PHLDA3: variants seen among roughly 807,000 people sequenced by gnomAD.
The protein encoded by PHLDA3 is pleckstrin homology like domain family A member 3, also known as pleckstrin homology-like domain family A member 3.
A neutral mutation model predicts 7.6 loss-of-function variants in PHLDA3; 12 were observed. That is an observed-to-expected ratio of 1.58 (90% CI 1.01 to 2.55). The LOEUF is 2.55. Among genes scored for constraint, PHLDA3 ranks in the 30% most tolerant of loss-of-function variants. The probability of loss-of-function intolerance (pLI) is 0.00; values close to 1 mark genes in which losing one functional copy is unlikely to be tolerated. For synonymous variants in PHLDA3, 104 were observed against 85.1 expected, an observed-to-expected ratio of 1.22 and a Z score of -1.23; for missense variants, 177 against 175.6, an observed-to-expected ratio of 1.01 and a Z score of -0.05.
At position 201,468,384 on chromosome 1, in the gene PHLDA3, A is replaced by C; in HGVS notation, c.*19T>G. Reference sequence around the variant, plus strand: ...TGAGGTGGTGGGTAGCATGAAGGAAAGATGGTGCGCCCGGTGGTTTAGGAC... The same window carrying C: ...TGAGGTGGTGGGTAGCATGAAGGAACGATGGTGCGCCCGGTGGTTTAGGAC... On this transcript the variant is annotated 3_prime_UTR_variant, in exon 1 of 2. Coordinates refer to ENST00000367311, the MANE Select transcript of PHLDA3 (RefSeq NM_012396.5). 1 of 1,613,528 alleles carries C rather than the reference A, an allele frequency of 6.2e-7. No homozygotes were observed. Among genetic ancestry groups the C allele is most frequent in the Non-Finnish European group, 8.5e-7 (1 of 1,179,822 alleles).
At position 201,468,747 on chromosome 1, in the gene PHLDA3, C is replaced by T. The variant is rs1480033554; in HGVS notation, c.40G>A (p.Val14Met). 4 of 1,591,678 alleles carry T rather than the reference C, an allele frequency of 2.5e-6. No homozygotes were observed. The highest frequency in any genetic ancestry group is 3.4e-6 in the Non-Finnish European group (4 of 1,174,804). The change falls in exon 1 of 2, where the codon GTG (valine) becomes ATG (methionine). Residue 14 changes from valine to methionine, a missense_variant. Val to Met is a conservative substitution (Grantham distance 21). Coordinates refer to ENST00000367311, the MANE Select transcript of PHLDA3 (RefSeq NM_012396.5). ...AATATVLKEG[V>M]LEKRSGGLLQ... ...AGCCCGCCGCTGCGCTTCTCCAGCA[C>T]GCCCTCCTTGAGCACGGTAGCCGTC...
In PHLDA3 at chr1:201,468,831, G is replaced by C. The variant is rs1663752971; in HGVS notation, c.-45C>G. ...GAAAGCTCCAGGCTGCGGCGGGCGC[G>C]GCGCCCCTCTCGGCCCCGCAGCGCA... On this transcript the variant is annotated 5_prime_UTR_variant, in exon 1 of 2. Transcript: ENST00000367311. The C allele has an allele frequency of 1.4e-6, 2 of 1,471,920 alleles. No homozygotes were observed. The allele number at this position is 1,471,920 out of a possible 1,614,324, so 91.2% of individuals were successfully genotyped here.
At chr1:201,466,625 ACTCCTACTT>A (rs963555460) in intron 1 of PHLDA3, 5 of 152,066 alleles carry the variant, frequency 3.3e-5, no homozygotes, top group Non-Finnish European at 5.9e-5. Context: ...TCTCAGCCCT[ACTCCTACTT>A]CTCACAAGAA....
chr1:201,465,248 G>C lies in PHLDA3; in HGVS notation c.*993C>G, dbSNP rs1055160422. The C allele has an allele frequency of 6.6e-6, 1 of 152,260 alleles. No homozygotes were observed. The highest frequency in any genetic ancestry group is 2.4e-5 in the African/African-American group (1 of 41,450). 9.4% of individuals were successfully genotyped at this position (152,260 alleles called of 1,614,324 possible). A position where few individuals can be genotyped will look rare whatever the true frequency, so the allele number is the denominator to read the frequency against. Reference sequence around the variant, plus strand: ...TGAGGCTTCTCCCAGGGTAGCAGGGGCAGGGTAGCCTCCTGTAGAAGAGAC... The same window carrying C: ...TGAGGCTTCTCCCAGGGTAGCAGGGCCAGGGTAGCCTCCTGTAGAAGAGAC... On this transcript the variant is annotated 3_prime_UTR_variant, in exon 2 of 2. Transcript: ENST00000367311.
chr1:201,467,195 C>G (rs1206206813), intron 1 of PHLDA3, among the ~76,000 whole-genome samples: 1 of 152,058 alleles, frequency 6.6e-6, no homozygotes, highest in Non-Finnish European at 1.5e-5. Flanking sequence ...GTAGTCCCAG[C>G]TACCTGGAGG....
Position 201,468,821 on chromosome 1 carries a change from C to T in PHLDA3, c.-35G>A, listed in dbSNP as rs1427299355. ...GAGGTTCGCGGAAAGCTCCAGGCTG[C>T]GGCGGGCGCGGCGCCCCTCTCGGCC... is the stretch of plus-strand genomic sequence containing the variant. On this transcript the variant is annotated 5_prime_UTR_variant, in exon 1 of 2. Coordinates refer to ENST00000367311, the MANE Select transcript of PHLDA3 (RefSeq NM_012396.5). The T allele has an allele frequency of 2.7e-6, 4 of 1,477,196 alleles. No individual in the cohort carries two copies. In the African/African-American group the frequency reaches 4.4e-5, roughly 16 times the overall value. The allele number at this position is 1,477,196 out of a possible 1,614,324, so 91.5% of individuals were successfully genotyped here. A position where few individuals can be genotyped will look rare whatever the true frequency, so the allele number is the denominator to read the frequency against.
chr1:201,469,077 C>G lies in PHLDA3; in HGVS notation c.-291G>C. The G allele has an allele frequency of 3.0e-6, 1 of 337,786 alleles. No individual in the cohort carries two copies. The highest frequency in any genetic ancestry group is 5.3e-6 in the Non-Finnish European group (1 of 189,292). 20.9% of individuals were successfully genotyped at this position (337,786 alleles called of 1,614,324 possible). ...CCGCCTCTGCCAGATGCCTCCGCGC[C>G]TCCCTAGGCCGTGAGCCCCACCGCC... On this transcript the variant is annotated 5_prime_UTR_variant, in exon 1 of 2. Transcript: ENST00000367311.
Position 201,466,080 on chromosome 1 carries a change from C to G in PHLDA3, c.*161G>C, listed in dbSNP as rs959068535. 6.4e-6 allele frequency: 1 copy of G among 155,450 alleles called. No homozygotes were observed. Among genetic ancestry groups the G allele is most frequent in the Middle Eastern group, 5.2e-4 (1 of 1,930 alleles). 9.6% of individuals were successfully genotyped at this position (155,450 alleles called of 1,614,324 possible). A position where few individuals can be genotyped will look rare whatever the true frequency, so the allele number is the denominator to read the frequency against. On this transcript the variant is annotated 3_prime_UTR_variant, in exon 2 of 2. Coordinates refer to ENST00000367311, the MANE Select transcript of PHLDA3 (RefSeq NM_012396.5). Reference sequence around the variant, plus strand: ...CTTCTGCCCTCCTCCCAGGGCTCGTCCATTCCTTCAGCTCCAGCGCCTCCT... The same window carrying G: ...CTTCTGCCCTCCTCCCAGGGCTCGTGCATTCCTTCAGCTCCAGCGCCTCCT...
At position 201,468,366 on chromosome 1, in the gene PHLDA3, G is replaced by A; in HGVS notation, c.*37C>T. Reference sequence around the variant, plus strand: ...CTGCCTTGACCTCAGCACTGAGGTGGTGGGTAGCATGAAGGAAAGATGGTG... The same window carrying A: ...CTGCCTTGACCTCAGCACTGAGGTGATGGGTAGCATGAAGGAAAGATGGTG... On this transcript the variant is annotated 3_prime_UTR_variant, in exon 1 of 2. Coordinates refer to ENST00000367311, the MANE Select transcript of PHLDA3 (RefSeq NM_012396.5). The A allele has an allele frequency of 6.2e-7, 1 of 1,612,442 alleles. No homozygotes were observed. The highest frequency in any genetic ancestry group is 1.1e-5 in the South Asian group (1 of 90,736).
Position 201,465,881 on chromosome 1 carries a change from C to A in PHLDA3, c.*360G>T, listed in dbSNP as rs1663652904. On this transcript the variant is annotated 3_prime_UTR_variant, in exon 2 of 2. Transcript: ENST00000367311. ...CCAGGCCTGGCACAAAGCCAGGGGG[C>A]TAAGAGCAGTCTGCAGGACAGAGGG... The A allele has an allele frequency of 6.5e-6, 1 of 154,890 alleles. No individual in the cohort carries two copies. The highest frequency in any genetic ancestry group is 2.0e-4 in the South Asian group (1 of 4,934). The allele number at this position is 154,890 out of a possible 1,614,324, so 9.6% of individuals were successfully genotyped here.
In PHLDA3 at chr1:201,464,472, G is replaced by A. The variant is rs1663612550; in HGVS notation, c.*1769C>T. On this transcript the variant is annotated 3_prime_UTR_variant, in exon 2 of 2. Coordinates refer to ENST00000367311, the MANE Select transcript of PHLDA3 (RefSeq NM_012396.5). The stretch of plus-strand genomic sequence containing the variant: ...TGTAATTCACACATCAGATGAGCAA[G>A]TTGAACCTCTTGTGGACTCTGAGGG... The A allele has an allele frequency of 6.6e-6, 1 of 152,258 alleles. No individual in the cohort carries two copies. Among genetic ancestry groups the A allele is most frequent in the Non-Finnish European group, 1.5e-5 (1 of 68,058 alleles). 9.4% of individuals were successfully genotyped at this position (152,258 alleles called of 1,614,324 possible).
chr1:201,469,047 C>T lies in PHLDA3; in HGVS notation c.-261G>A, dbSNP rs964494306. On this transcript the variant is annotated 5_prime_UTR_variant, in exon 1 of 2. Transcript: ENST00000367311. ...TCCGCTCTACCCCAGCTGGCCCAGC[C>T]CGACCCGCCTCTGCCAGATGCCTCC... 5.2e-6 allele frequency: 2 copies of T among 384,030 alleles called. No homozygotes were observed. Among genetic ancestry groups the T allele is most frequent in the Non-Finnish European group, 9.1e-6 (2 of 220,666 alleles). The allele number at this position is 384,030 out of a possible 1,614,324, so 23.8% of individuals were successfully genotyped here. A position where few individuals can be genotyped will look rare whatever the true frequency, so the allele number is the denominator to read the frequency against.
chr1:201,468,960 G>C lies in PHLDA3; in HGVS notation c.-174C>G. 2.0e-6 allele frequency: 1 copy of C among 496,542 alleles called. No individual in the cohort carries two copies. The highest frequency in any genetic ancestry group is 3.9e-5 in the East Asian group (1 of 25,620). 30.8% of individuals were successfully genotyped at this position (496,542 alleles called of 1,614,324 possible). A position where few individuals can be genotyped will look rare whatever the true frequency, so the allele number is the denominator to read the frequency against. ...CCCTCAGCACCCGGCTGCCGGTGAG[G>C]TGGTGTCGGTGCCCCCAGCGCGCTC... On this transcript the variant is annotated 5_prime_UTR_variant, in exon 1 of 2. Transcript: ENST00000367311.
rs1335709377 is a variant in PHLDA3, at chr1:201,464,810, T to TTTTTGTTG, written c.*1430_*1431insCAACAAAA. ...TTGTCTGTACCTGTTTTCCCGTTTT[T>TTTTTGTTG]TTTGTTGTTGTTGTTTTGAGACTGC... On this transcript the variant is annotated 3_prime_UTR_variant, in exon 2 of 2. Transcript: ENST00000367311. 2 of 75,742 alleles carry TTTTTGTTG rather than the reference T, an allele frequency of 2.6e-5. No homozygotes were observed. The highest frequency in any genetic ancestry group is 9.6e-5 in the African/African-American group (2 of 20,800). 4.7% of individuals were successfully genotyped at this position (75,742 alleles called of 1,614,324 possible). A position where few individuals can be genotyped will look rare whatever the true frequency, so the allele number is the denominator to read the frequency against.
At position 201,468,384 on chromosome 1, in the gene PHLDA3, A is replaced by G; in HGVS notation, c.*19T>C. 1 of 1,613,528 alleles carries G rather than the reference A, an allele frequency of 6.2e-7. No homozygotes were observed. The highest frequency in any genetic ancestry group is 1.1e-5 in the South Asian group (1 of 90,938). ...TGAGGTGGTGGGTAGCATGAAGGAAAGATGGTGCGCCCGGTGGTTTAGGAC... is the reference window on the plus strand; with the variant it reads ...TGAGGTGGTGGGTAGCATGAAGGAAGGATGGTGCGCCCGGTGGTTTAGGAC... On this transcript the variant is annotated 3_prime_UTR_variant, in exon 1 of 2. Coordinates refer to ENST00000367311, the MANE Select transcript of PHLDA3 (RefSeq NM_012396.5).
intron 1 of PHLDA3, 38 bp downstream of exon 1, chr1:201,468,303 G>C: frequency 7.9e-7 from 1 of 1,270,610 alleles, no homozygotes; most frequent in South Asian, 1.3e-5. Context: ...GAGAAGGGAG[G>C]GAAGGAGAGA....
Position 201,468,832 on chromosome 1 carries a change from G to A in PHLDA3, c.-46C>T. 1 of 1,471,046 alleles carries A rather than the reference G, an allele frequency of 6.8e-7. No individual in the cohort carries two copies. Among genetic ancestry groups the A allele is most frequent in the East Asian group, 2.7e-5 (1 of 36,630 alleles). 91.1% of individuals were successfully genotyped at this position (1,471,046 alleles called of 1,614,324 possible). A position where few individuals can be genotyped will look rare whatever the true frequency, so the allele number is the denominator to read the frequency against. ...AAAGCTCCAGGCTGCGGCGGGCGCG[G>A]CGCCCCTCTCGGCCCCGCAGCGCAG... On this transcript the variant is annotated 5_prime_UTR_variant, in exon 1 of 2. Coordinates refer to ENST00000367311, the MANE Select transcript of PHLDA3 (RefSeq NM_012396.5).
intron 1 of PHLDA3, 100 bp from the exon 2 acceptor site, chr1:201,466,278 C>G (rs1340268875): frequency 6.6e-6 from 1 of 152,312 alleles, no homozygotes; most frequent in Non-Finnish European, 1.5e-5. Flanking sequence ...CAGCCTTTTC[C>G]ATAAACATGG....
In PHLDA3 at chr1:201,465,692, C is replaced by T. The variant is rs1219830546; in HGVS notation, c.*549G>A. The T allele has an allele frequency of 6.4e-6, 1 of 155,080 alleles. No homozygotes were observed. Among genetic ancestry groups the T allele is most frequent in the Non-Finnish European group, 1.5e-5 (1 of 68,432 alleles). The allele number at this position is 155,080 out of a possible 1,614,324, so 9.6% of individuals were successfully genotyped here. A position where few individuals can be genotyped will look rare whatever the true frequency, so the allele number is the denominator to read the frequency against. ...AAAGGACCTAAGCAGCAGGAGACCC[C>T]CAGGAGTGGGCTTTAGGCCCAGCAG... On this transcript the variant is annotated 3_prime_UTR_variant, in exon 2 of 2. Coordinates refer to ENST00000367311, the MANE Select transcript of PHLDA3 (RefSeq NM_012396.5).
Sources: allele counts gnomAD v4.1 joint callset (sites outside exome capture counted in the v4.1 genomes callset), GRCh38; gene constraint gnomAD v4.1.1; transcripts MANE v1.5; gene names NCBI Gene and HGNC (gene_info 2026-07-23, HGNC 2026-07-21).